IQCH: variants seen among roughly 807,000 people sequenced by gnomAD.
IQCH encodes IQ domain-containing protein H.
Under a neutral mutation model 117.0 loss-of-function variants are expected in IQCH, and 98 were observed. That is an observed-to-expected ratio of 0.84 (90% CI 0.71 to 0.99). The LOEUF is 0.99. Ranked by LOEUF, IQCH falls within the 50% of genes least tolerant of loss-of-function variation. IQCH has a pLI of 0.00. For missense variants in IQCH, 1,102 were observed against 1,243.8 expected, an observed-to-expected ratio of 0.89 and a Z score of 1.72; for synonymous variants, 412 against 448.2, an observed-to-expected ratio of 0.92 and a Z score of 1.02.
At position 67,405,092 on chromosome 15, in the gene IQCH, A is replaced by G. The variant is rs1005962291; in HGVS notation, c.2097+4787A>G. On this transcript the variant is annotated intron_variant, in intron 14 of 20. Coordinates refer to ENST00000335894, the MANE Select transcript of IQCH (RefSeq NM_001031715.3). This position sits in a 1 kb window ranked among gnomAD's most constrained non-coding sequence, Gnocchi z 4.8. The stretch of plus-strand genomic sequence containing the variant: ...TCATTGCTATTATTTGATTACTAGC[A>G]AGGGATATTCTTTTTTCATGTCCTT... The G allele has an allele frequency of 1.3e-5, 2 of 152,192 alleles. No homozygotes were observed. Among genetic ancestry groups the G allele is most frequent in the Non-Finnish European group, 2.9e-5 (2 of 68,028 alleles). The allele number at this position is 152,192 out of a possible 1,614,324, so 9.4% of individuals were successfully genotyped here. A position where few individuals can be genotyped will look rare whatever the true frequency, so the allele number is the denominator to read the frequency against.
intron 1 of IQCH, among the ~76,000 whole-genome samples, chr15:67,258,523 C>T (rs1382557477): frequency 1.2e-5 from 1 of 80,436 alleles, no homozygotes; most frequent in Non-Finnish European, 2.4e-5. Context: ...AAGAGTGAGA[C>T]TTCATCTCAA....
rs201549324 is a variant in IQCH at position 67,373,352 on chromosome 15, C to A, written c.1306-15C>A. On this transcript the variant is annotated splice_polypyrimidine_tract_variant and intron_variant, in intron 9 of 20. Coordinates refer to ENST00000335894, the MANE Select transcript of IQCH (RefSeq NM_001031715.3). ...CAGCTTCCTGTCACTGATCAATGCT[C>A]TTCTTGATTTTTAGCATCTGGCAGC... is the stretch of plus-strand genomic sequence containing the variant. The A allele has an allele frequency of 1.3e-6, 2 of 1,597,428 alleles. No homozygotes were observed. Among genetic ancestry groups the A allele is most frequent in the South Asian group, 1.1e-5 (1 of 90,710 alleles).
chr15:67,339,996 TA>T (rs1406293235), intron 5 of IQCH, among the ~76,000 whole-genome samples: 1 of 152,212 alleles, frequency 6.6e-6, no homozygotes, highest in Non-Finnish European at 1.5e-5. Flanking sequence ...CCAAATATCC[TA>T]AAGTTCTTAG....
intron 8 of IQCH, 23 bp from the exon 9 acceptor site, chr15:67,372,088 A>C (rs1380144967): frequency 6.4e-7 from 1 of 1,568,396 alleles, no homozygotes; most frequent in African/African-American, 1.4e-5. Flanking sequence ...TCACTTCTAA[A>C]ATATATTTCT....
rs866222996 is a variant in IQCH at position 67,395,405 on chromosome 15, G to C, written c.1747G>C (p.Asp583His). 1 of 1,614,104 alleles carries C rather than the reference G, an allele frequency of 6.2e-7. No homozygotes were observed. The highest frequency in any genetic ancestry group is 2.2e-5 in the East Asian group (1 of 44,884). ...CATCGTCAGCGGGCTCCTCCACAGA[G>C]ATGATTTAGCTGTGGCCGATATGTT... ...AYIVSGLLHR[D>H]DLAVADMLDI... The change falls in exon 13 of 21, where the codon GAT becomes CAT. Residue 583 changes from aspartate (D) to histidine (H), a missense_variant. Physicochemically the swap from Asp to His is moderately conservative, Grantham distance 81. Coordinates refer to ENST00000335894, the MANE Select transcript of IQCH (RefSeq NM_001031715.3). This position sits in a 1 kb window ranked among gnomAD's most constrained non-coding sequence, Gnocchi z 4.0.
intron 3 of IQCH, among the ~76,000 whole-genome samples, chr15:67,276,742 A>G (rs182581168): frequency 1.3e-5 from 2 of 152,154 alleles, no homozygotes; most frequent in African/African-American, 4.8e-5. Flanking sequence ...GCTTCTTGCA[A>G]GATTTTCTCT....
chr15:67,452,848 A>G (rs1305669697), intron 16 of IQCH, among the ~76,000 whole-genome samples: 1 of 152,152 alleles, frequency 6.6e-6, no homozygotes, highest in African/African-American at 2.4e-5. Context: ...TCTCCCCATC[A>G]CTTTCAGGTA....
chr15:67,282,905 CTT>C (rs1407478039), intron 4 of IQCH, among the ~76,000 whole-genome samples: 2 of 151,938 alleles, frequency 1.3e-5, no homozygotes, highest in African/African-American at 4.8e-5. Flanking sequence ...TATTAAGCCT[CTT>C]TTAATTTGAA....
intron 3 of IQCH, among the ~76,000 whole-genome samples, chr15:67,278,800 A>C (rs1391256323): frequency 6.6e-6 from 1 of 152,204 alleles, no homozygotes; most frequent in African/African-American, 2.4e-5. Flanking sequence ...ATAATCTTAA[A>C]GATCTTGAAC....
chr15:67,469,126 TC>T (rs2083006751), intron 17 of IQCH, among the ~76,000 whole-genome samples: 1 of 35,920 alleles, frequency 2.8e-5, no homozygotes, highest in South Asian at 6.7e-4. Context: ...GAATATTTTG[TC>T]TTTTTTTTTC....
At chr15:67,315,701 G>A (rs1023697422) in intron 4 of IQCH, among the ~76,000 whole-genome samples, 3 of 151,802 alleles carry the variant, frequency 2.0e-5, no homozygotes, top group Admixed American at 1.3e-4. Context: ...AATACCACTC[G>A]CCTTCAGCTG....
In IQCH at chr15:67,407,545, C is replaced by T. The variant is rs1309629942; in HGVS notation, c.2097+7240C>T. On this transcript the variant is annotated intron_variant, in intron 14 of 20. Coordinates refer to ENST00000335894, the MANE Select transcript of IQCH (RefSeq NM_001031715.3). This position sits in a 1 kb window ranked among gnomAD's most constrained non-coding sequence, Gnocchi z 5.3. Reference sequence around the variant, plus strand: ...AAGTGAAATGAAAGCCAGGGTACCCCTTCTGAGGACCTATAATAATCAGCT... The same window carrying T: ...AAGTGAAATGAAAGCCAGGGTACCCTTTCTGAGGACCTATAATAATCAGCT... The T allele has an allele frequency of 1.3e-5, 2 of 152,146 alleles. No homozygotes were observed. Among genetic ancestry groups the T allele is most frequent in the Non-Finnish European group, 2.9e-5 (2 of 68,044 alleles). 9.4% of individuals were successfully genotyped at this position (152,146 alleles called of 1,614,324 possible). A position where few individuals can be genotyped will look rare whatever the true frequency, so the allele number is the denominator to read the frequency against.
intron 16 of IQCH, among the ~76,000 whole-genome samples, chr15:67,434,571 G>A (rs1020333589): frequency 1.3e-5 from 2 of 152,196 alleles, no homozygotes; most frequent in African/African-American, 4.8e-5. Flanking sequence ...GGACACGGCA[G>A]TGCAGATATC....
intron 15 of IQCH, among the ~76,000 whole-genome samples, chr15:67,418,220 G>A (rs1173126419): frequency 6.6e-6 from 1 of 152,112 alleles, no homozygotes; most frequent in African/African-American, 2.4e-5. Flanking sequence ...GCTTATTGTA[G>A]CTCAATGTAT....
intron 4 of IQCH, among the ~76,000 whole-genome samples, chr15:67,321,070 CA>C (rs1289024515): frequency 6.6e-6 from 1 of 152,126 alleles, no homozygotes; most frequent in Admixed American, 6.5e-5. Flanking sequence ...TGCTGGATTT[CA>C]TAACAATTTT....
intron 15 of IQCH, among the ~76,000 whole-genome samples, chr15:67,419,961 C>T (rs955751868): frequency 6.6e-5 from 10 of 152,102 alleles, no homozygotes; most frequent in African/African-American, 1.4e-4. Flanking sequence ...ACATAGGTGA[C>T]GGCTAAAGGC....
rs540398739 is a variant in IQCH at position 67,446,527 on chromosome 15, G to A, written c.2506-18600G>A. Among the ~76,000 whole-genome samples the A allele has an allele frequency of 2.8e-4, 43 of 152,306 alleles. No homozygotes were observed. The Middle Eastern group carries it at 0.014, about 48-fold the overall frequency. ...GGACAAATGGCATCAAAGGGGGCCT[G>A]TTTGTTAAAAGCAGCCTCTGGGGTG... is the stretch of plus-strand genomic sequence containing the variant. On this transcript the variant is annotated intron_variant, in intron 16 of 20. Coordinates refer to ENST00000335894, the MANE Select transcript of IQCH (RefSeq NM_001031715.3).
In IQCH at chr15:67,422,917, G is replaced by A. The variant is rs958418087; in HGVS notation, c.2505+1340G>A. ...CCTGGCCTTCCTCTCTCGATATCGC[G>A]ATATCCTCTGGTCATCCGCATTGTA... On this transcript the variant is annotated intron_variant, in intron 16 of 20. Transcript: ENST00000335894. This position sits in a 1 kb window ranked among gnomAD's most constrained non-coding sequence, Gnocchi z 4.7. 6.6e-6 allele frequency among the ~76,000 whole-genome samples: 1 copy of A among 152,128 alleles called. No individual in the cohort carries two copies. The highest frequency in any genetic ancestry group is 1.5e-5 in the Non-Finnish European group (1 of 68,030).
At chr15:67,283,213 C>T (rs1319436907) in intron 4 of IQCH, among the ~76,000 whole-genome samples, 2 of 152,092 alleles carry the variant, frequency 1.3e-5, no homozygotes, top group Non-Finnish European at 2.9e-5. Context: ...TGTTGAACCC[C>T]CACTCTCTAC....
Sources: allele counts gnomAD v4.1 joint callset (sites outside exome capture counted in the v4.1 genomes callset), GRCh38; gene constraint gnomAD v4.1.1; non-coding constraint Gnocchi (gnomAD v3.1); transcripts MANE v1.5; gene names NCBI Gene and HGNC (gene_info 2026-07-23, HGNC 2026-07-21).